HOMER1: variants seen among roughly 807,000 people sequenced by gnomAD.
HOMER1 encodes the protein homer protein homolog 1.
HOMER1 carries 3 observed loss-of-function variants against 48.9 expected under a neutral mutation model. That is an observed-to-expected ratio of 0.06 (90% CI 0.03 to 0.16). The LOEUF is 0.16. Ranked by LOEUF, HOMER1 falls within the 10% of genes least tolerant of loss-of-function variation. The probability of loss-of-function intolerance (pLI) is 1.00; values close to 1 mark genes in which losing one functional copy is unlikely to be tolerated. For synonymous variants in HOMER1, 134 were observed against 146.4 expected (o/e 0.92, Z 0.61); for missense variants, 247 against 411.4 (o/e 0.60, Z 3.46).
chr5:79,486,133 G>A (rs985194711), intron 1 of HOMER1, among the ~76,000 whole-genome samples: 1 of 152,166 alleles, frequency 6.6e-6, no homozygotes, highest in African/African-American at 2.4e-5. Context: ...CTGGCCAAGA[G>A]TAAAGACTAT....
At chr5:79,509,595 C>G (rs936532075) in intron 1 of HOMER1, among the ~76,000 whole-genome samples, 1 of 152,174 alleles carries the variant, frequency 6.6e-6, no homozygotes, top group Admixed American at 6.5e-5. Flanking sequence ...TTTAGGGGAT[C>G]TGATACACCT....
At chr5:79,410,673 TCTC>T (rs1353271416) in intron 5 of HOMER1, among the ~76,000 whole-genome samples, 1 of 151,502 alleles carries the variant, frequency 6.6e-6, no homozygotes, top group Non-Finnish European at 1.5e-5. Flanking sequence ...CACCCATACC[TCTC>T]AATAGTTTGC....
chr5:79,484,026 A>G (rs1752024755), intron 1 of HOMER1, among the ~76,000 whole-genome samples: 1 of 147,460 alleles, frequency 6.8e-6, no homozygotes, highest in Admixed American at 6.8e-5. Flanking sequence ...AGCCTGGGCA[A>G]CAGAGCAAGA....
chr5:79,457,893 G>T (rs572795531), intron 1 of HOMER1, among the ~76,000 whole-genome samples: 2 of 152,070 alleles, frequency 1.3e-5, no homozygotes, highest in African/African-American at 4.8e-5. Context: ...CTCTTACAAA[G>T]TTAATATTTT....
At chr5:79,468,703 G>A (rs967080035) in intron 1 of HOMER1, among the ~76,000 whole-genome samples, 3 of 152,106 alleles carry the variant, frequency 2.0e-5, no homozygotes, top group Admixed American at 6.6e-5. Flanking sequence ...TCTTGTGCAC[G>A]CACACAAGAG....
chr5:79,388,428 T>C (rs1749170436), intron 8 of HOMER1, among the ~76,000 whole-genome samples: 1 of 151,346 alleles, frequency 6.6e-6, no homozygotes, highest in Admixed American at 6.6e-5. Context: ...TAAGCAATCT[T>C]CATCTACACA....
chr5:79,429,587 A>G (rs1223736964), intron 5 of HOMER1, among the ~76,000 whole-genome samples: 2 of 152,244 alleles, frequency 1.3e-5, no homozygotes, highest in Middle Eastern at 3.2e-3. Context: ...CAATGGACCA[A>G]AGACCTAAAT....
chr5:79,503,534 GAA>G (rs751672080), intron 1 of HOMER1, among the ~76,000 whole-genome samples: 3 of 17,352 alleles, frequency 1.7e-4, no homozygotes, highest in East Asian at 2.0e-3. Context: ...GTCACAAAGA[GAA>G]AAAAAAAAAA....
Position 79,379,115 on chromosome 5 carries a change from A to ATATATATATATATATATAT in HOMER1, c.877-2919_877-2918insATATATATATATATATATA, listed in dbSNP as rs1349080228. ...ATATATATATATATATATATATATA[A>ATATATATATATATATATAT]AATATATAAATATTTATTTATATAT... On this transcript the variant is annotated intron_variant, in intron 8 of 8. Coordinates refer to ENST00000334082, the MANE Select transcript of HOMER1 (RefSeq NM_004272.5). 3.5e-3 allele frequency among the ~76,000 whole-genome samples: 192 copies of ATATATATATATATATATAT among 55,570 alleles called. 21 individuals are homozygous for ATATATATATATATATATAT. Among genetic ancestry groups the ATATATATATATATATATAT allele is most frequent in the African/African-American group, 5.5e-3 (77 of 13,984 alleles). The allele number at this position is 55,570 out of a possible 152,430, so 36.5% of individuals were successfully genotyped here.
At chr5:79,507,498 A>T (rs1161546136) in intron 1 of HOMER1, among the ~76,000 whole-genome samples, 2 of 152,180 alleles carry the variant, frequency 1.3e-5, no homozygotes, top group African/African-American at 4.8e-5. Flanking sequence ...ACACAAAAAA[A>T]CTGCACATTT....
chr5:79,425,757 A>G (rs1253517288), intron 5 of HOMER1, among the ~76,000 whole-genome samples: 1 of 152,022 alleles, frequency 6.6e-6, no homozygotes, highest in Non-Finnish European at 1.5e-5. Flanking sequence ...ACTAGTATCC[A>G]TTCTCTGTAA....
At chr5:79,384,799 A>G (rs368780255) in intron 8 of HOMER1, among the ~76,000 whole-genome samples, 5 of 152,346 alleles carry the variant, frequency 3.3e-5, no homozygotes, top group African/African-American at 1.2e-4. Flanking sequence ...ATGATACACC[A>G]TAATCAAATG....
In HOMER1 at chr5:79,423,585, C is replaced by T. The variant is rs1186548692; in HGVS notation, c.527+15425G>A. On this transcript the variant is annotated intron_variant, in intron 5 of 8. Transcript: ENST00000334082. ...TTTAAAGACAGAAATGGCTAATCTGCCTTATGTAATGGGTTCTTTTATATA... is the reference window on the plus strand; with the variant it reads ...TTTAAAGACAGAAATGGCTAATCTGTCTTATGTAATGGGTTCTTTTATATA... 3.9e-5 allele frequency among the ~76,000 whole-genome samples: 6 copies of T among 152,040 alleles called. No individual in the cohort carries two copies. The East Asian group carries it at 9.6e-4, about 24-fold the overall frequency.
intron 2 of HOMER1, among the ~76,000 whole-genome samples, chr5:79,451,375 AAGTGTCAAAG>A (rs1751023351): frequency 6.6e-6 from 1 of 152,058 alleles, no homozygotes; most frequent in African/African-American, 2.4e-5. Context: ...ATGATCCAAA[AAGTGTCAAAG>A]AGTTTTTAAT....
Position 79,379,103 on chromosome 5 carries a change from TATATATATATAA to T in HOMER1, c.877-2918_877-2907del, listed in dbSNP as rs1338382201. Among the ~76,000 whole-genome samples, 33 of 58,612 alleles carry T rather than the reference TATATATATATAA, an allele frequency of 5.6e-4. 1 individual carries two copies. Among genetic ancestry groups the T allele is most frequent in the South Asian group, 3.8e-3 (9 of 2,372 alleles). 38.5% of individuals were successfully genotyped at this position (58,612 alleles called of 152,430 possible). ...CCATATATATATATATATATATATA[TATATATATATAA>T]AATATATAAATATTTATTTATATAT... On this transcript the variant is annotated intron_variant, in intron 8 of 8. Coordinates refer to ENST00000334082, the MANE Select transcript of HOMER1 (RefSeq NM_004272.5).
intron 4 of HOMER1, among the ~76,000 whole-genome samples, chr5:79,442,719 G>T (rs1366736683): frequency 6.6e-6 from 1 of 152,158 alleles, no homozygotes; most frequent in African/African-American, 2.4e-5. Flanking sequence ...AAACAAAGAT[G>T]AGAACACCAC....
chr5:79,393,600 G>A (rs1372282647), intron 8 of HOMER1, among the ~76,000 whole-genome samples: 2 of 152,162 alleles, frequency 1.3e-5, no homozygotes, highest in East Asian at 3.8e-4. Context: ...AATATCCAGT[G>A]GGTACCCTGC....
Position 79,466,319 on chromosome 5 carries a change from C to T in HOMER1, c.6-9301G>A, listed in dbSNP as rs568222928. On this transcript the variant is annotated intron_variant, in intron 1 of 8. Coordinates refer to ENST00000334082, the MANE Select transcript of HOMER1 (RefSeq NM_004272.5). ...TTGCCTGAGCCCAGGAGTTCAAGAC[C>T]AGCTGGGCAATATGGGGAAACCCCA... Among the ~76,000 whole-genome samples the T allele has an allele frequency of 5.3e-5, 8 of 152,070 alleles. No individual in the cohort carries two copies. The South Asian group carries it at 1.5e-3, about 28-fold the overall frequency.
chr5:79,464,735 G>A (rs1751407968), intron 1 of HOMER1, among the ~76,000 whole-genome samples: 1 of 152,088 alleles, frequency 6.6e-6, no homozygotes, highest in African/African-American at 2.4e-5. Flanking sequence ...CAGAGATTAT[G>A]ACTGCATAAT....
Sources: gnomAD v4.1 joint callset for allele counts (sites outside exome capture counted in the v4.1 genomes callset) on GRCh38, gnomAD v4.1.1 for gene constraint, MANE v1.5 for transcripts, NCBI Gene and HGNC (gene_info 2026-07-23, HGNC 2026-07-21) for gene names.